FHIP1A: variants seen among roughly 807,000 people sequenced by gnomAD.
FHIP1A encodes the protein FHF complex subunit HOOK-interacting protein 1A.
FHIP1A carries 61 observed loss-of-function variants against 88.6 expected under a neutral mutation model. The observed-to-expected ratio is 0.69, with a 90% CI of 0.56 to 0.85. The LOEUF is 0.85. Ranked by LOEUF, FHIP1A falls within the 40% of genes least tolerant of loss-of-function variation. The pLI is 0.00. For synonymous variants in FHIP1A, 478 were observed against 496.0 expected (o/e 0.96, Z 0.48); for missense variants, 1,154 against 1,273.5 (o/e 0.91, Z 1.43).
At chr4:151,659,712 G>GT (rs1472340178) in intron 13 of FHIP1A, among the ~76,000 whole-genome samples, 1 of 152,168 alleles carries the variant, frequency 6.6e-6, no homozygotes, top group Non-Finnish European at 1.5e-5. Context: ...TATGAGGGGC[G>GT]TAACTCAGGC....
At chr4:151,505,226 T>C (rs1195637551) in intron 3 of FHIP1A, among the ~76,000 whole-genome samples, 1 of 152,214 alleles carries the variant, frequency 6.6e-6, no homozygotes, top group Non-Finnish European at 1.5e-5. Context: ...CACATCACTG[T>C]AGCCTGGAAA....
Position 151,668,628 on chromosome 4 carries a change from C to T in FHIP1A, c.*5874C>T, listed in dbSNP as rs1298767373. Among the ~76,000 whole-genome samples the T allele has an allele frequency of 4.6e-5, 7 of 152,182 alleles. No individual in the cohort carries two copies. The highest frequency in any genetic ancestry group is 7.3e-5 in the Non-Finnish European group (5 of 68,044). ...CTTTCTAGACCCAGATGACCCAGAACGCAGAAGCCTAGTAGTTGGTATCAC... is the reference window on the plus strand; with the variant it reads ...CTTTCTAGACCCAGATGACCCAGAATGCAGAAGCCTAGTAGTTGGTATCAC... On this transcript the variant is annotated 3_prime_UTR_variant, in exon 14 of 14. Transcript: ENST00000435205.
At position 151,435,226 on chromosome 4, in the gene FHIP1A, T is replaced by G. The variant is rs191030424; in HGVS notation, c.-355-19475T>G. Reference sequence around the variant, plus strand: ...AACACTGGAACTTACTCCTTTTAGCTAACTATTTTCCTACTCATTAACCAA... The same window carrying G: ...AACACTGGAACTTACTCCTTTTAGCGAACTATTTTCCTACTCATTAACCAA... On this transcript the variant is annotated intron_variant, in intron 1 of 13. Coordinates refer to ENST00000435205, the MANE Select transcript of FHIP1A (RefSeq NM_001109977.3). Among the ~76,000 whole-genome samples the G allele has an allele frequency of 2.0e-3, 303 of 152,290 alleles. 1 individual carries two copies. The highest frequency in any genetic ancestry group is 7.2e-3 in the African/African-American group (301 of 41,562).
intron 4 of FHIP1A, chr4:151,576,859 T>C (rs1053401117): frequency 5.3e-5 from 8 of 152,368 alleles, no homozygotes; most frequent in African/African-American, 1.7e-4. Context: ...AGTAGCTGTG[T>C]TCCTCTGCTG....
chr4:151,654,174 A>G (rs560565220), intron 11 of FHIP1A, among the ~76,000 whole-genome samples: 44 of 152,000 alleles, frequency 2.9e-4, no homozygotes, highest in Non-Finnish European at 4.6e-4. Context: ...GAGTCATTTC[A>G]TTAGCAGATG....
At chr4:151,628,145 G>A (rs750321504) in intron 7 of FHIP1A, among the ~76,000 whole-genome samples, 7 of 152,182 alleles carry the variant, frequency 4.6e-5, no homozygotes, top group Admixed American at 4.6e-4. Flanking sequence ...ACATAGTGGT[G>A]TATTGAATGA....
intron 3 of FHIP1A, among the ~76,000 whole-genome samples, chr4:151,539,147 A>C (rs2126724441): frequency 6.6e-6 from 1 of 152,344 alleles, no homozygotes; most frequent in Admixed American, 6.5e-5. Flanking sequence ...CTTCTCCCCC[A>C]AAGGATGTGG....
intron 1 of FHIP1A, among the ~76,000 whole-genome samples, chr4:151,453,490 C>T (rs1266797065): frequency 1.6e-4 from 25 of 152,210 alleles, no homozygotes; most frequent in Admixed American, 1.4e-3. Flanking sequence ...ATATACTCAC[C>T]GTACAAGTTT....
At chr4:151,529,921 T>A (rs1324910415) in intron 3 of FHIP1A, among the ~76,000 whole-genome samples, 1 of 152,170 alleles carries the variant, frequency 6.6e-6, no homozygotes, top group Non-Finnish European at 1.5e-5. Flanking sequence ...GGGGCCATAT[T>A]GAAACTTCAC....
Position 151,443,683 on chromosome 4 carries a change from C to CTG in FHIP1A, c.-355-11017_-355-11016insGT, listed in dbSNP as rs1491201547. On this transcript the variant is annotated intron_variant, in intron 1 of 13. Transcript: ENST00000435205. The stretch of plus-strand genomic sequence containing the variant: ...CTGAGTGAGAATTCTAAATGAAGCA[C>CTG]TCTGTGTGTGTGTGTGTGTGTGTGT... Among the ~76,000 whole-genome samples, 7 of 51,972 alleles carry CTG rather than the reference C, an allele frequency of 1.3e-4. No individual in the cohort carries two copies. The East Asian group carries it at 3.3e-3, about 25-fold the overall frequency. 34.1% of individuals were successfully genotyped at this position (51,972 alleles called of 152,430 possible).
At chr4:151,422,259 A>AATGT in intron 1 of FHIP1A, among the ~76,000 whole-genome samples, 1 of 152,100 alleles carries the variant, frequency 6.6e-6, no homozygotes. Flanking sequence ...CCCACATAAG[A>AATGT]ATGTAAAGCT....
At chr4:151,532,133 G>GT (rs572426753) in intron 3 of FHIP1A, among the ~76,000 whole-genome samples, 2 of 152,042 alleles carry the variant, frequency 1.3e-5, no homozygotes, top group South Asian at 4.1e-4. Context: ...GGTCTATATC[G>GT]TTTTTTTGGT....
chr4:151,656,628 G>C lies in FHIP1A; in HGVS notation c.2731-132G>C. On this transcript the variant is annotated intron_variant, in intron 12 of 13. Coordinates refer to ENST00000435205, the MANE Select transcript of FHIP1A (RefSeq NM_001109977.3). This position sits in a 1 kb window ranked among gnomAD's most constrained non-coding sequence, Gnocchi z 4.2. ...ACGGTGCCCTACGCAGAACACCCAGGCAGTTAAAAATGAACAAATGTCTAA... is the reference window on the plus strand; with the variant it reads ...ACGGTGCCCTACGCAGAACACCCAGCCAGTTAAAAATGAACAAATGTCTAA... 9.1e-7 allele frequency: 1 copy of C among 1,095,952 alleles called. No homozygotes were observed. Among genetic ancestry groups the C allele is most frequent in the Non-Finnish European group, 1.3e-6 (1 of 769,204 alleles). The allele number at this position is 1,095,952 out of a possible 1,614,324, so 67.9% of individuals were successfully genotyped here. A position where few individuals can be genotyped will look rare whatever the true frequency, so the allele number is the denominator to read the frequency against.
intron 10 of FHIP1A, among the ~76,000 whole-genome samples, chr4:151,647,022 C>T (rs1206516239): frequency 1.3e-5 from 2 of 152,120 alleles, no homozygotes; most frequent in Non-Finnish European, 2.9e-5. Context: ...AAAACGTGTG[C>T]TAGCATGTCT....
At chr4:151,629,511 C>A (rs1020818025) in intron 7 of FHIP1A, among the ~76,000 whole-genome samples, 191 bp from the exon 8 acceptor site, 1 of 151,994 alleles carries the variant, frequency 6.6e-6, no homozygotes, top group Admixed American at 6.6e-5. Flanking sequence ...AATTAAAGGG[C>A]GGAAACAGCA....
chr4:151,446,008 G>A (rs1419044932), intron 1 of FHIP1A, among the ~76,000 whole-genome samples: 9 of 151,708 alleles, frequency 5.9e-5, no homozygotes, highest in African/African-American at 4.8e-5. Flanking sequence ...AGTTTCTCTA[G>A]GATATAAACC....
chr4:151,599,561 A>G (rs1734783043), intron 7 of FHIP1A, among the ~76,000 whole-genome samples: 1 of 152,184 alleles, frequency 6.6e-6, no homozygotes, highest in Admixed American at 6.5e-5. Context: ...GACTGTTGAA[A>G]AGTCTGAGAA....
intron 7 of FHIP1A, among the ~76,000 whole-genome samples, chr4:151,596,373 T>C (rs989657543): frequency 2.0e-5 from 3 of 152,158 alleles, no homozygotes; most frequent in Non-Finnish European, 4.4e-5. Flanking sequence ...GCTTGTAGGG[T>C]TTCTGCAGAG....
chr4:151,436,087 A>G (rs998840149), intron 1 of FHIP1A, among the ~76,000 whole-genome samples: 1 of 152,152 alleles, frequency 6.6e-6, no homozygotes, highest in Admixed American at 6.6e-5. Flanking sequence ...AAATGCAGCT[A>G]TCTTAAATAT....
Sources: allele counts gnomAD v4.1 joint callset (sites outside exome capture counted in the v4.1 genomes callset), GRCh38; gene constraint gnomAD v4.1.1; non-coding constraint Gnocchi (gnomAD v3.1); transcripts MANE v1.5; gene names NCBI Gene and HGNC (gene_info 2026-07-23, HGNC 2026-07-21).